TNS2: variants seen among roughly 807,000 people sequenced by gnomAD.
TNS2 encodes the protein tensin-2.
TNS2 carries 77 observed loss-of-function variants against 155.7 expected under a neutral mutation model. That is an observed-to-expected ratio of 0.49 (90% CI 0.41 to 0.60). The LOEUF (loss-of-function observed/expected upper bound fraction) is 0.60. Among genes scored for constraint, TNS2 ranks in the 20% least tolerant of loss-of-function variants. The pLI, the probability that TNS2 is intolerant of heterozygous loss-of-function variation, is 0.00. For synonymous variants in TNS2, 726 were observed against 763.9 expected, an observed-to-expected ratio of 0.95 and a Z score of 0.82; for missense variants, 1,703 against 1,868.8, an observed-to-expected ratio of 0.91 and a Z score of 1.64.
In TNS2 at chr12:53,050,412, C is replaced by T; in HGVS notation, c.75+152C>T. The T allele has an allele frequency of 1.1e-6, 1 of 950,608 alleles. No individual in the cohort carries two copies. The highest frequency in any genetic ancestry group is 1.5e-6 in the Non-Finnish European group (1 of 653,096). 58.9% of individuals were successfully genotyped at this position (950,608 alleles called of 1,614,324 possible). A position where few individuals can be genotyped will look rare whatever the true frequency, so the allele number is the denominator to read the frequency against. On this transcript the variant is annotated intron_variant, in intron 1 of 28. Transcript: ENST00000314250. This position sits in a 1 kb window ranked among gnomAD's most constrained non-coding sequence, Gnocchi z 4.7. ...AGCATCCCCTCCGGAGTGGCCAGGG[C>T]TGTAGTGTGAGGGGATGTTTGGGTT... is the stretch of plus-strand genomic sequence containing the variant.
At chr12:53,048,543 G>A (rs544825911), upstream of TNS2, among the ~76,000 whole-genome samples, 2 of 152,284 alleles carry the variant, frequency 1.3e-5, no homozygotes, top group South Asian at 4.1e-4. Context: ...CTGGCCGGGG[G>A]CCTGGAATGT....
chr12:53,062,125 C>G (rs1266042955), intron 22 of TNS2, 28 bp from the exon 23 acceptor site: 3 of 1,613,350 alleles, frequency 1.9e-6, no homozygotes, highest in Non-Finnish European at 2.5e-6. Context: ...AATCCTAAAG[C>G]CGCAATCTTC....
Position 53,060,791 on chromosome 12 carries a change from C to G in TNS2, c.2885C>G (p.Ser962Trp). ...ACCGGAAAGGCCCCTGAGCTGCCGT[C>G]GGGAAGTGGGCCTGAGCCTCTGGCC... is the stretch of plus-strand genomic sequence containing the variant. ...AGTGKAPELPSGSGPEPLAPS... is the reference protein window; with the variant it reads ...AGTGKAPELPWGSGPEPLAPS... The change falls in exon 20 of 29, where the codon TCG becomes TGG. Residue 962 changes from serine (S) to tryptophan (W), a missense_variant. Ser to Trp is a radical substitution (Grantham distance 177). Coordinates refer to ENST00000314250, the MANE Select transcript of TNS2 (RefSeq NM_170754.4). The surrounding 1 kb of genome is among the most constrained non-coding windows in gnomAD (Gnocchi z 6.1). 6.2e-7 allele frequency: 1 copy of G among 1,612,148 alleles called. No individual in the cohort carries two copies. Among genetic ancestry groups the G allele is most frequent in the Non-Finnish European group, 8.5e-7 (1 of 1,179,086 alleles).
Position 53,058,112 on chromosome 12 carries a change from G to C in TNS2, c.1095+10G>C. 6.2e-7 allele frequency: 1 copy of C among 1,614,160 alleles called. No individual in the cohort carries two copies. The highest frequency in any genetic ancestry group is 1.3e-5 in the African/African-American group (1 of 75,054). ...CAAAGGCGATGTCATGGTGAGGGGG[G>C]TCCTGTCAACAAGAAGAATCCTGGA... On this transcript the variant is annotated intron_variant, in intron 14 of 28. Coordinates refer to ENST00000314250, the MANE Select transcript of TNS2 (RefSeq NM_170754.4).
At chr12:53,048,944 C>T (rs948313488), upstream of TNS2, 11 of 482,440 alleles carry the variant, frequency 2.3e-5, no homozygotes, top group Non-Finnish European at 1.1e-5. Flanking sequence ...GAGAGGGGCA[C>T]ATTTGCACAT....
At chr12:53,052,153 C>G in intron 2 of TNS2, 190 bp downstream of exon 2, 1 of 609,914 alleles carries the variant, frequency 1.6e-6, no homozygotes, top group Non-Finnish European at 2.9e-6. Context: ...CTCCCATAAC[C>G]CAGGAGAGCC....
In TNS2 at chr12:53,060,016, G is replaced by A. The variant is rs1444131456; in HGVS notation, c.2375G>A (p.Gly792Glu). ...CCTGCCCTGGTGACATACAGCTATG[G>A]AGGAGCAGTTCCCAGTTACTGCCCA... ...GYPALVTYSYGGAVPSYCPAY... is the reference protein window; with the variant it reads ...GYPALVTYSYEGAVPSYCPAY... The change falls in exon 18 of 29, where the codon GGA becomes GAA. Residue 792 changes from glycine to glutamate, a missense_variant. By Grantham distance (98) the Gly-to-Glu change is moderately conservative. Coordinates refer to ENST00000314250, the MANE Select transcript of TNS2 (RefSeq NM_170754.4). The surrounding 1 kb of genome is among the most constrained non-coding windows in gnomAD (Gnocchi z 6.1). The A allele has an allele frequency of 1.7e-5, 28 of 1,613,522 alleles. No individual in the cohort carries two copies. Among genetic ancestry groups the A allele is most frequent in the Non-Finnish European group, 2.3e-5 (27 of 1,179,958 alleles).
chr12:53,063,948 A>C lies in TNS2; in HGVS notation c.*66A>C. ...CCTCCCAGCACCCCACAGCCCTCAC[A>C]TCCCCTGGCCTGGACCCAGGAGACC... On this transcript the variant is annotated 3_prime_UTR_variant, in exon 29 of 29. Transcript: ENST00000314250. This position sits in a 1 kb window ranked among gnomAD's most constrained non-coding sequence, Gnocchi z 5.6. 2 of 1,570,536 alleles carry C rather than the reference A, an allele frequency of 1.3e-6. No individual in the cohort carries two copies. Among genetic ancestry groups the C allele is most frequent in the Non-Finnish European group, 1.7e-6 (2 of 1,151,298 alleles).
chr12:53,062,496 C>T (rs759556129), intron 24 of TNS2, 43 bp downstream of exon 24: 2 of 1,611,256 alleles, frequency 1.2e-6, no homozygotes, highest in East Asian at 4.5e-5. Context: ...TCCCTACCCC[C>T]TGCAGCCAAA....
Position 53,060,900 on chromosome 12 carries a change from C to T in TNS2, c.2994C>T (p.Gly998=), listed in dbSNP as rs759203300. 20 of 1,587,050 alleles carry T rather than the reference C, an allele frequency of 1.3e-5. No homozygotes were observed. Among genetic ancestry groups the T allele is most frequent in the South Asian group, 4.5e-5 (4 of 87,974 alleles). ...QERSPGGHSD[G]ASPRSPVPTT... Reference sequence around the variant, plus strand: ...GGAGTCCAGGGGGCCACTCAGATGGCGCCAGTCCTCGGAGCCCTGTGCCCA... The same window carrying T: ...GGAGTCCAGGGGGCCACTCAGATGGTGCCAGTCCTCGGAGCCCTGTGCCCA... The change falls in exon 20 of 29, where the codon GGC becomes GGT. Residue 998 remains glycine, a synonymous_variant. Transcript: ENST00000314250. The surrounding 1 kb of genome is among the most constrained non-coding windows in gnomAD (Gnocchi z 6.1).
At position 53,050,109 on chromosome 12, in the gene TNS2, GC is replaced by G; in HGVS notation, c.-75del. The G allele has an allele frequency of 6.4e-7, 1 of 1,564,668 alleles. No individual in the cohort carries two copies. The highest frequency in any genetic ancestry group is 1.4e-5 in the African/African-American group (1 of 73,618). ...CAGGGGAAGCGGCTGCCTCCGCCAG[GC>G]CGCTTCCAGGAAGCCCCGGGCCAGG... On this transcript the variant is annotated 5_prime_UTR_variant, in exon 1 of 29. Transcript: ENST00000314250. The surrounding 1 kb of genome is among the most constrained non-coding windows in gnomAD (Gnocchi z 4.7).
Position 53,064,019 on chromosome 12 carries a change from C to A in TNS2, c.*137C>A. On this transcript the variant is annotated 3_prime_UTR_variant, in exon 29 of 29. Coordinates refer to ENST00000314250, the MANE Select transcript of TNS2 (RefSeq NM_170754.4). ...TAGGAATGAGGAGTGGGCATCAGGC[C>A]TGGGACACTGCTCTCCTTCCCCGCC... The A allele has an allele frequency of 2.1e-6, 2 of 947,214 alleles. No homozygotes were observed. The highest frequency in any genetic ancestry group is 3.1e-6 in the Non-Finnish European group (2 of 645,472). 58.7% of individuals were successfully genotyped at this position (947,214 alleles called of 1,614,324 possible). A position where few individuals can be genotyped will look rare whatever the true frequency, so the allele number is the denominator to read the frequency against.
upstream of TNS2, among the ~76,000 whole-genome samples, chr12:53,047,493 G>GGGCGCGA: frequency 6.7e-6 from 1 of 148,384 alleles, no homozygotes; most frequent in Non-Finnish European, 1.5e-5. Flanking sequence ...GCGGGGCGCG[G>GGGCGCGA]GGCGCGGCCC....
At chr12:53,049,637 G>A (rs987263474), upstream of TNS2, among the ~76,000 whole-genome samples, 20 of 152,068 alleles carry the variant, frequency 1.3e-4, no homozygotes, top group African/African-American at 4.8e-5. Context: ...GGACACACTC[G>A]GGATCCTGGG....
At chr12:53,053,845 G>A in intron 5 of TNS2, 33 bp downstream of exon 5, 3 of 1,613,692 alleles carry the variant, frequency 1.9e-6, no homozygotes, top group Middle Eastern at 1.7e-4. Flanking sequence ...GGGGGAAGCA[G>A]GTAGCTTTGG....
chr12:53,061,837 GGACCCTGGGGCCTTCCT>G lies in TNS2; in HGVS notation c.3474_3490del (p.Pro1159GlnfsTer55). 6.2e-7 allele frequency: 1 copy of G among 1,613,632 alleles called. No individual in the cohort carries two copies. Among genetic ancestry groups the G allele is most frequent in the Non-Finnish European group, 8.5e-7 (1 of 1,179,858 alleles). On this transcript the variant is annotated frameshift_variant, in exon 22 of 29. Coordinates refer to ENST00000314250, the MANE Select transcript of TNS2 (RefSeq NM_170754.4). LOFTEE classifies it high-confidence loss of function. The stretch of plus-strand genomic sequence containing the variant: ...CAGCCATTGCCCTGCTGAAGGACAA[GGACCCTGGGGCCTTCCT>G]GATCAGGGACAGTCATTCATTCCAA...
chr12:53,062,209 G>A lies in TNS2; in HGVS notation c.3631G>A (p.Val1211Met). The A allele has an allele frequency of 6.2e-7, 1 of 1,614,114 alleles. No homozygotes were observed. Among genetic ancestry groups the A allele is most frequent in the Non-Finnish European group, 8.5e-7 (1 of 1,180,012 alleles). ...HFLIETGPKG[V>M]KIKGCPSEPY... ...CCTCATCGAGACTGGGCCCAAAGGG[G>A]TGAAGATCAAGGGCTGCCCCAGTGA... is the stretch of plus-strand genomic sequence containing the variant. The change falls in exon 23 of 29, where the codon GTG becomes ATG. Residue 1211 changes from valine (V) to methionine (M), a missense_variant. Val to Met is a conservative substitution (Grantham distance 21, BLOSUM62 1). Coordinates refer to ENST00000314250, the MANE Select transcript of TNS2 (RefSeq NM_170754.4).
chr12:53,056,084 G>A lies in TNS2; in HGVS notation c.761+239G>A, dbSNP rs560504060. 4.8e-4 allele frequency: 221 copies of A among 457,252 alleles called. 6 individuals are homozygous for A. Among genetic ancestry groups the A allele is most frequent in the South Asian group, 4.7e-3 (172 of 36,530 alleles). The allele number at this position is 457,252 out of a possible 1,614,324, so 28.3% of individuals were successfully genotyped here. A position where few individuals can be genotyped will look rare whatever the true frequency, so the allele number is the denominator to read the frequency against. Reference sequence around the variant, plus strand: ...AAAACAGTGGAAATGGGCCGGGTGCGTTGGCTCACGCCTGTAATACCAGCA... The same window carrying A: ...AAAACAGTGGAAATGGGCCGGGTGCATTGGCTCACGCCTGTAATACCAGCA... On this transcript the variant is annotated intron_variant, in intron 10 of 28. Transcript: ENST00000314250.
rs1320777578 is a variant in TNS2 at position 53,055,603 on chromosome 12, A to C, written c.609A>C (p.Pro203=). 1 of 1,612,204 alleles carries C rather than the reference A, an allele frequency of 6.2e-7. No homozygotes were observed. The highest frequency in any genetic ancestry group is 1.1e-5 in the South Asian group (1 of 91,030). Residue 203 remains proline, a synonymous_variant, in exon 9 of 29, where the codon CCA becomes CCC. Coordinates refer to ENST00000314250, the MANE Select transcript of TNS2 (RefSeq NM_170754.4). Reference sequence around the variant, plus strand: ...TCGGCTGGCCTGAGCTGCATGCTCCACCCCTGGACAAGCTGTGCTCCATCT... The same window carrying C: ...TCGGCTGGCCTGAGCTGCATGCTCCCCCCCTGGACAAGCTGTGCTCCATCT... ...QDFGWPELHA[P]PLDKLCSICK... is the part of the protein sequence containing the mutation.
Sources: gnomAD v4.1 joint callset for allele counts (sites outside exome capture counted in the v4.1 genomes callset) on GRCh38, gnomAD v4.1.1 for gene constraint, Gnocchi (gnomAD v3.1) non-coding constraint, MANE v1.5 for transcripts, NCBI Gene and HGNC (gene_info 2026-07-23, HGNC 2026-07-21) for gene names.